The following ZNF385B variants were observed in gnomAD, a reference collection of about 807,000 sequenced individuals.
ZNF385B encodes the protein zinc finger protein 533.
In ZNF385B, 23 loss-of-function variants were observed where a neutral mutation model predicts 39.2. That is an observed-to-expected ratio of 0.59 (90% confidence interval 0.42 to 0.83). The LOEUF (loss-of-function observed/expected upper bound fraction) is 0.83. Ranked by LOEUF, ZNF385B falls within the 40% of genes least tolerant of loss-of-function variation. ZNF385B has a pLI of 0.00. For synonymous variants in ZNF385B, 205 were observed against 222.6 expected (o/e 0.92, Z 0.70); for missense variants, 552 against 598.9 (o/e 0.92, Z 0.82).
intron 3 of ZNF385B, among the ~76,000 whole-genome samples, chr2:179,556,375 C>T (rs1486197162): frequency 6.7e-6 from 1 of 149,276 alleles, no homozygotes. Flanking sequence ...TTTCCTTTAT[C>T]GTAGTTTCTC....
At chr2:179,477,178 A>G (rs1170913112) in intron 6 of ZNF385B, among the ~76,000 whole-genome samples, 1 of 152,196 alleles carries the variant, frequency 6.6e-6, no homozygotes, top group African/African-American at 2.4e-5. Flanking sequence ...CATAAAAACT[A>G]TGAAGTACAC....
intron 6 of ZNF385B, among the ~76,000 whole-genome samples, chr2:179,452,643 AG>A (rs1198014435): frequency 2.6e-5 from 4 of 152,194 alleles, no homozygotes; most frequent in Admixed American, 2.0e-4. Flanking sequence ...TTATGTAATA[AG>A]ATTTTCTAAT....
chr2:179,586,691 G>A (rs548234538), intron 3 of ZNF385B, among the ~76,000 whole-genome samples: 132 of 152,276 alleles, frequency 8.7e-4, no homozygotes, highest in Non-Finnish European at 1.7e-3. Flanking sequence ...TATTTAATGA[G>A]GAGCTATTAC....
At chr2:179,529,685 T>TATC (rs1047592887) in intron 4 of ZNF385B, among the ~76,000 whole-genome samples, 1 of 151,998 alleles carries the variant, frequency 6.6e-6, no homozygotes, top group African/African-American at 2.4e-5. Flanking sequence ...TGATAAGTGC[T>TATC]ATCAATATGT....
chr2:179,784,329 G>A (rs979281396), intron 1 of ZNF385B, among the ~76,000 whole-genome samples: 4 of 152,050 alleles, frequency 2.6e-5, no homozygotes, highest in African/African-American at 9.7e-5. Flanking sequence ...GGGGAAGAAT[G>A]GGAAGAGGGA....
At chr2:179,732,308 C>G (rs1254422682) in intron 3 of ZNF385B, among the ~76,000 whole-genome samples, 1 of 152,178 alleles carries the variant, frequency 6.6e-6, no homozygotes, top group Non-Finnish European at 1.5e-5. Context: ...TTTATAGATT[C>G]ACAAACACTA....
chr2:179,676,331 G>A (rs112819803), intron 3 of ZNF385B, among the ~76,000 whole-genome samples: 58 of 150,172 alleles, frequency 3.9e-4, no homozygotes, highest in African/African-American at 1.2e-3. Flanking sequence ...GTCATGATCC[G>A]CCTGCCTCGG....
At chr2:179,745,925 A>G (rs777843547) in intron 3 of ZNF385B, 11 of 1,241,610 alleles carry the variant, frequency 8.9e-6, no homozygotes, top group Non-Finnish European at 1.1e-5. Flanking sequence ...CTGCTCATTG[A>G]AAATCCTTTA....
At chr2:179,752,743 T>C (rs1164970651) in intron 3 of ZNF385B, among the ~76,000 whole-genome samples, 1 of 152,152 alleles carries the variant, frequency 6.6e-6, no homozygotes, top group African/African-American at 2.4e-5. Flanking sequence ...TTGAGAAGTG[T>C]CTGTTCATAT....
chr2:179,701,146 A>G (rs1699168810), intron 3 of ZNF385B, among the ~76,000 whole-genome samples: 1 of 152,266 alleles, frequency 6.6e-6, no homozygotes, highest in Non-Finnish European at 1.5e-5. Context: ...GTTAACATTG[A>G]TAGAAACTTT....
chr2:179,785,073 T>G (rs906346641), intron 1 of ZNF385B, among the ~76,000 whole-genome samples: 6 of 152,108 alleles, frequency 3.9e-5, no homozygotes, highest in Non-Finnish European at 8.8e-5. Context: ...ATTCACAGAA[T>G]CTCAAGATAA....
intron 3 of ZNF385B, among the ~76,000 whole-genome samples, chr2:179,684,155 C>G (rs1048300224): frequency 4.6e-5 from 7 of 152,154 alleles, no homozygotes; most frequent in Middle Eastern, 3.2e-3. Flanking sequence ...CTATCAGGAG[C>G]CTCCGTTAGC....
intron 3 of ZNF385B, among the ~76,000 whole-genome samples, chr2:179,628,590 C>G (rs1690890483): frequency 6.6e-6 from 1 of 152,156 alleles, no homozygotes; most frequent in Admixed American, 6.6e-5. Context: ...TTTCTGCTGT[C>G]TTTCTTTTGC....
chr2:179,646,164 C>T (rs1299664016), intron 3 of ZNF385B, among the ~76,000 whole-genome samples: 1 of 152,206 alleles, frequency 6.6e-6, no homozygotes, highest in Admixed American at 6.5e-5. Context: ...CCTGTAATCC[C>T]AGCACTTTGG....
Position 179,582,955 on chromosome 2 carries a change from T to C in ZNF385B, c.299-37986A>G, listed in dbSNP as rs138413434. The stretch of plus-strand genomic sequence containing the variant: ...ACCTCTGCCTCCTGGGTTCAAGCGA[T>C]TCTCCTGCCTCAGCCTGCTGATTAT... On this transcript the variant is annotated intron_variant, in intron 3 of 9. Coordinates refer to ENST00000410066, the MANE Select transcript of ZNF385B (RefSeq NM_152520.6). Among the ~76,000 whole-genome samples the C allele has an allele frequency of 2.5e-3, 384 of 152,328 alleles. 3 individuals carry two copies. Among genetic ancestry groups the C allele is most frequent in the African/African-American group, 8.3e-3 (343 of 41,570 alleles).
intron 3 of ZNF385B, among the ~76,000 whole-genome samples, chr2:179,547,599 T>C (rs2060313691): frequency 6.7e-6 from 1 of 149,502 alleles, no homozygotes; most frequent in Non-Finnish European, 1.5e-5. Flanking sequence ...GCCAGTACCA[T>C]GATGTTTTGG....
rs75906619 is a variant in ZNF385B at position 179,762,571 on chromosome 2, T to C, written c.298+6932A>G. On this transcript the variant is annotated intron_variant, in intron 3 of 9. Coordinates refer to ENST00000410066, the MANE Select transcript of ZNF385B (RefSeq NM_152520.6). ...CCACTTAGTTATGGTATATAATTCT[T>C]TTGATACATTGCTGGATTCAATTTG... Among the ~76,000 whole-genome samples, 330 of 152,358 alleles carry C rather than the reference T, an allele frequency of 2.2e-3. 3 individuals are homozygous for C. The highest frequency in any genetic ancestry group is 7.6e-3 in the African/African-American group (317 of 41,586).
At chr2:179,852,299 G>C (rs1684240737) in intron 1 of ZNF385B, among the ~76,000 whole-genome samples, 2 of 152,186 alleles carry the variant, frequency 1.3e-5, no homozygotes, top group Non-Finnish European at 2.9e-5. Flanking sequence ...GACTTGCAAG[G>C]GGAGAGACAC....
At chr2:179,765,529 A>C (rs1184583532) in intron 3 of ZNF385B, among the ~76,000 whole-genome samples, 1 of 152,190 alleles carries the variant, frequency 6.6e-6, no homozygotes, top group Non-Finnish European at 1.5e-5. Flanking sequence ...TTTAGTCATT[A>C]GTTCATGCAG....
Sources: gnomAD v4.1 joint callset for allele counts (sites outside exome capture counted in the v4.1 genomes callset) on GRCh38, gnomAD v4.1.1 for gene constraint, MANE v1.5 for transcripts, NCBI Gene and HGNC (gene_info 2026-07-23, HGNC 2026-07-21) for gene names.